FSIP2: variants seen among roughly 807,000 people sequenced by gnomAD.
FSIP2 encodes the protein fibrous sheath-interacting protein 2.
Under a neutral mutation model 510.5 loss-of-function variants are expected in FSIP2, and 367 were observed. That is an observed-to-expected ratio of 0.72 (90% CI 0.66 to 0.78). FSIP2 has a LOEUF of 0.78. FSIP2 is among the 30% of genes least tolerant of loss of function. FSIP2 has a pLI of 0.00. For missense variants in FSIP2, 7,594 were observed against 7,901.7 expected (o/e 0.96, Z 1.48); for synonymous variants, 2,601 against 2,732.2 (o/e 0.95, Z 1.50).
In FSIP2 at chr2:185,791,737, C is replaced by G. The variant is rs919227424; in HGVS notation, c.4601C>G (p.Thr1534Ser). 2.0e-6 allele frequency: 3 copies of G among 1,534,300 alleles called. No individual in the cohort carries two copies. Among genetic ancestry groups the G allele is most frequent in the Admixed American group, 2.0e-5 (1 of 50,816 alleles). The change falls in exon 16 of 23, where the codon ACC becomes AGC. Residue 1534 changes from threonine to serine, a missense_variant. By Grantham distance (58) the Thr-to-Ser change is moderately conservative. Transcript: ENST00000424728. ...ASIIEKMAKS[T>S]KIISSIVSRR... ...ATTATTGAGAAAATGGCCAAATCCA[C>G]CAAAATAATCTCCAGCATAGTTTCC...
rs1024759301 is a variant in FSIP2, at chr2:185,774,958, CATTTTCTT to C, written c.1412-7745_1412-7738del. 3.8e-4 allele frequency among the ~76,000 whole-genome samples: 25 copies of C among 65,374 alleles called. 1 individual carries two copies. Among genetic ancestry groups the C allele is most frequent in the African/African-American group, 1.5e-3 (24 of 16,338 alleles). 42.9% of individuals were successfully genotyped at this position (65,374 alleles called of 152,430 possible). ...AGTATTCCATGGTGTATATGTGTCA[CATTTTCTT>C]AATCCAGTCTATCATTGTTGGACAT... On this transcript the variant is annotated intron_variant, in intron 13 of 22. Coordinates refer to ENST00000424728, the MANE Select transcript of FSIP2 (RefSeq NM_173651.4).
intron 13 of FSIP2, among the ~76,000 whole-genome samples, chr2:185,772,260 A>G (rs1692619865): frequency 6.6e-6 from 1 of 151,954 alleles, no homozygotes; most frequent in South Asian, 2.1e-4. Context: ...ATCTCTCTCC[A>G]TTACCCATTT....
intron 13 of FSIP2, chr2:185,766,551 A>G (rs1458753357): frequency 6.7e-6 from 1 of 148,228 alleles, no homozygotes; most frequent in African/African-American, 2.5e-5. Flanking sequence ...TATGCAGCCA[A>G]AAAACACATG....
rs2105650947 is a variant in FSIP2, at chr2:185,806,180, A to G, written c.16874A>G (p.Lys5625Arg). The G allele has an allele frequency of 3.8e-6, 6 of 1,586,502 alleles. No individual in the cohort carries two copies. The highest frequency in any genetic ancestry group is 2.2e-5 in the East Asian group (1 of 44,704). ...ARESSFKKDD[K>R]LFQLSSLKSK... is the part of the protein sequence containing the mutation. Reference sequence around the variant, plus strand: ...GAAAGCTCATTTAAAAAAGATGACAAGCTCTTTCAGTTATCCTCCTTGAAG... The same window carrying G: ...GAAAGCTCATTTAAAAAAGATGACAGGCTCTTTCAGTTATCCTCCTTGAAG... Residue 5625 changes from lysine to arginine, a missense_variant, in exon 17 of 23, where the codon AAG (lysine) becomes AGG (arginine). By Grantham distance (26) the Lys-to-Arg change is conservative. Transcript: ENST00000424728.
rs1693124425 is a variant in FSIP2 at position 185,791,485 on chromosome 2, C to A, written c.4349C>A (p.Thr1450Asn). The change falls in exon 16 of 23, where the codon ACC (threonine) becomes AAC (asparagine). Residue 1450 changes from threonine to asparagine, a missense_variant. Coordinates refer to ENST00000424728, the MANE Select transcript of FSIP2 (RefSeq NM_173651.4). Reference sequence around the variant, plus strand: ...GAAATGTTAAGCAAGCTCCTGGGGACCCATCTTCATTCTCAGCTATCTTGT... The same window carrying A: ...GAAATGTTAAGCAAGCTCCTGGGGAACCATCTTCATTCTCAGCTATCTTGT... ...LHEMLSKLLGTHLHSQLSCSQ... is the reference protein window; with the variant it reads ...LHEMLSKLLGNHLHSQLSCSQ... 1 of 1,534,282 alleles carries A rather than the reference C, an allele frequency of 6.5e-7. No individual in the cohort carries two copies. Among genetic ancestry groups the A allele is most frequent in the Non-Finnish European group, 8.7e-7 (1 of 1,145,636 alleles).
Position 185,802,458 on chromosome 2 carries a change from G to C in FSIP2, c.13152G>C (p.Gln4384His), listed in dbSNP as rs912498019. The change falls in exon 17 of 23, where the codon CAG becomes CAC. Residue 4384 changes from glutamine (Q) to histidine (H), a missense_variant. Physicochemically the swap from Gln to His is conservative, Grantham distance 24. Coordinates refer to ENST00000424728, the MANE Select transcript of FSIP2 (RefSeq NM_173651.4). The part of the protein sequence containing the change: ...ATSVYRNALK[Q>H]HGLDLAVDKE... ...CAGTTTATAGAAATGCTTTAAAGCA[G>C]CATGGGCTAGACCTTGCTGTTGATA... 3.3e-6 allele frequency: 5 copies of C among 1,533,804 alleles called. No individual in the cohort carries two copies. The African/African-American group carries it at 5.5e-5, about 17-fold the overall frequency.
At chr2:185,811,708 G>A (rs1422924454) in intron 17 of FSIP2, among the ~76,000 whole-genome samples, 2 of 152,062 alleles carry the variant, frequency 1.3e-5, no homozygotes, top group East Asian at 3.9e-4. Flanking sequence ...TAGAGGCCTA[G>A]GAGCAAAGAA....
chr2:185,828,057 T>C (rs1327127435), intron 20 of FSIP2, 99 bp from the exon 21 acceptor site: 1 of 729,612 alleles, frequency 1.4e-6, no homozygotes, highest in African/African-American at 1.8e-5. Context: ...AACTATATGA[T>C]TCTTTGGTGA....
chr2:185,756,134 T>TTGGGTAA, intron 8 of FSIP2, 58 bp from the exon 9 acceptor site: 1 of 654,248 alleles, frequency 1.5e-6, no homozygotes, highest in Non-Finnish European at 2.5e-6. Flanking sequence ...GTAGTCTATC[T>TTGGGTAA]TGGGTAATTC....
chr2:185,802,888 G>T lies in FSIP2; in HGVS notation c.13582G>T (p.Glu4528Ter). The T allele has an allele frequency of 6.7e-7, 1 of 1,498,024 alleles. No individual in the cohort carries two copies. The highest frequency in any genetic ancestry group is 2.5e-5 in the East Asian group (1 of 40,654). The allele number at this position is 1,498,024 out of a possible 1,614,324, so 92.8% of individuals were successfully genotyped here. ...SQHEIRFSKEEEETKFIYSED... is the reference protein window; with the variant it reads ...SQHEIRFSKE Reference sequence around the variant, plus strand: ...ACATGAAATTCGATTTTCAAAAGAGGAAGAAGAAACCAAGTTTATTTATTC... The same window carrying T: ...ACATGAAATTCGATTTTCAAAAGAGTAAGAAGAAACCAAGTTTATTTATTC... Residue 4528 changes from glutamate to a stop codon, truncating the protein, a stop_gained, in exon 17 of 23, where the codon GAA becomes TAA. Coordinates refer to ENST00000424728, the MANE Select transcript of FSIP2 (RefSeq NM_173651.4). LOFTEE classifies it high-confidence loss of function.
intron 18 of FSIP2, among the ~76,000 whole-genome samples, chr2:185,814,424 G>A (rs1016278878): frequency 1.3e-5 from 2 of 152,074 alleles, no homozygotes; most frequent in Admixed American, 6.6e-5. Flanking sequence ...GCTGAGGTAG[G>A]AGGAACAAAA....
chr2:185,789,590 T>A lies in FSIP2; in HGVS notation c.2454T>A (p.Asp818Glu). Residue 818 changes from aspartate (D) to glutamate (E), a missense_variant, in exon 16 of 23, where the codon GAT (aspartate) becomes GAA (glutamate). Transcript: ENST00000424728. ...CTCATACTTTGGACCCAATGTGTGA[T>A]ATTGCAGAGGACATGGTGCATGCCA... ...SMPHTLDPMC[D>E]IAEDMVHAIL... The A allele has an allele frequency of 2.0e-6, 3 of 1,534,966 alleles. No individual in the cohort carries two copies. The highest frequency in any genetic ancestry group is 1.7e-6 in the Non-Finnish European group (2 of 1,145,948).
At chr2:185,823,640 T>C (rs1693965063) in intron 19 of FSIP2, among the ~76,000 whole-genome samples, 1 of 151,630 alleles carries the variant, frequency 6.6e-6, no homozygotes, top group Non-Finnish European at 1.5e-5. Flanking sequence ...GCATCAATGG[T>C]GGGAACTTCA....
At position 185,792,748 on chromosome 2, in the gene FSIP2, CTA is replaced by C. The variant is rs1358355442; in HGVS notation, c.5614_5615del (p.Ile1872HisfsTer10). 1.3e-6 allele frequency: 2 copies of C among 1,534,108 alleles called. No homozygotes were observed. The highest frequency in any genetic ancestry group is 2.0e-5 in the Admixed American group (1 of 50,838). ...AATGTAAGGGAAAATAGGTATAAAACTATCACTTTTTCAGCAAATGTTTCTTC... is the reference window on the plus strand; with the variant it reads ...AATGTAAGGGAAAATAGGTATAAAACTCACTTTTTCAGCAAATGTTTCTTC... On this transcript the variant is annotated frameshift_variant, in exon 16 of 23. Coordinates refer to ENST00000424728, the MANE Select transcript of FSIP2 (RefSeq NM_173651.4). LOFTEE classifies it high-confidence loss of function.
chr2:185,745,528 A>G lies in FSIP2; in HGVS notation c.577A>G (p.Thr193Ala). Reference sequence around the variant, plus strand: ...CCAAAACTGGTTGTTAAAGGAGGGCACTGAATCTATTAAGGACCAGGAGCG... The same window carrying G: ...CCAAAACTGGTTGTTAAAGGAGGGCGCTGAATCTATTAAGGACCAGGAGCG... ...QVQNWLLKEGTESIKDQERLM... is the reference protein window; with the variant it reads ...QVQNWLLKEGAESIKDQERLM... Residue 193 changes from threonine to alanine, a missense_variant, in exon 5 of 23, where the codon ACT becomes GCT. Thr to Ala is a moderately conservative substitution (Grantham distance 58). Transcript: ENST00000424728. The G allele has an allele frequency of 2.0e-6, 3 of 1,535,880 alleles. No individual in the cohort carries two copies. The highest frequency in any genetic ancestry group is 2.6e-6 in the Non-Finnish European group (3 of 1,146,634).
In FSIP2 at chr2:185,813,581, C is replaced by A; in HGVS notation, c.19864C>A (p.Pro6622Thr). Reference protein sequence around the residue: ...ARNSFQNIRKPDITKVELLKD... With the variant: ...ARNSFQNIRKTDITKVELLKD... The stretch of plus-strand genomic sequence containing the variant: ...AAATTCATTTCAGAATATAAGAAAG[C>A]CTGATATTACAAAGGTGGAGCTCTT... The change falls in exon 18 of 23, where the codon CCT becomes ACT. Residue 6622 changes from proline (P) to threonine (T), a missense_variant. By Grantham distance (38) the Pro-to-Thr change is conservative (BLOSUM62 -1). Coordinates refer to ENST00000424728, the MANE Select transcript of FSIP2 (RefSeq NM_173651.4). 6.5e-7 allele frequency: 1 copy of A among 1,548,892 alleles called. No homozygotes were observed. The highest frequency in any genetic ancestry group is 8.7e-7 in the Non-Finnish European group (1 of 1,150,996).
chr2:185,744,478 A>G, intron 4 of FSIP2, 67 bp downstream of exon 4: 1 of 318,102 alleles, frequency 3.1e-6, no homozygotes, highest in Non-Finnish European at 5.7e-6. Context: ...TTATATGTAG[A>G]GTGTTCTTCT....
chr2:185,788,552 G>T, intron 15 of FSIP2, 91 bp from the exon 16 acceptor site: 3 of 769,514 alleles, frequency 3.9e-6, no homozygotes, highest in South Asian at 2.2e-5. Context: ...CCAATACATT[G>T]ATATAAAAAT....
intron 1 of FSIP2, 172 bp from the exon 2 acceptor site, chr2:185,739,174 G>C: frequency 8.8e-7 from 1 of 1,132,940 alleles, no homozygotes. Context: ...CAACTGGCAG[G>C]CGCGGGACGC....
Sources: gnomAD v4.1 joint callset for allele counts (sites outside exome capture counted in the v4.1 genomes callset) on GRCh38, gnomAD v4.1.1 for gene constraint, MANE v1.5 for transcripts, NCBI Gene and HGNC (gene_info 2026-07-23, HGNC 2026-07-21) for gene names.